AGBL1: variants seen among roughly 807,000 people sequenced by gnomAD.
The protein encoded by AGBL1 is cytosolic carboxypeptidase 4.
In AGBL1, 130 loss-of-function variants were observed where a neutral mutation model predicts 118.9. The observed-to-expected ratio is 1.09, with a 90% CI of 0.95 to 1.26. The LOEUF (loss-of-function observed/expected upper bound fraction) is 1.26. Ranked by LOEUF, AGBL1 falls within the 50% of genes most tolerant of loss-of-function variation. The pLI is 0.00. For missense variants in AGBL1, 1,584 were observed against 1,298.1 expected (o/e 1.22, Z -3.38); for synonymous variants, 555 against 478.9 (o/e 1.16, Z -2.08).
chr15:86,344,761 G>C (rs1228559186), intron 17 of AGBL1, among the ~76,000 whole-genome samples: 2 of 152,042 alleles, frequency 1.3e-5, no homozygotes, highest in Non-Finnish European at 2.9e-5. Flanking sequence ...ATGATAAGCA[G>C]TTTCACAATG....
At chr15:86,957,177 A>G (rs771048510) in intron 23 of AGBL1, among the ~76,000 whole-genome samples, 27 of 152,128 alleles carry the variant, frequency 1.8e-4, no homozygotes, top group Non-Finnish European at 3.4e-4. Flanking sequence ...ACTGAAAAAT[A>G]ATCTATTTTT....
intron 21 of AGBL1, among the ~76,000 whole-genome samples, chr15:86,660,182 A>G (rs1487604996): frequency 6.6e-6 from 1 of 151,942 alleles, no homozygotes; most frequent in Admixed American, 6.6e-5. Flanking sequence ...AAGGAGCAGA[A>G]AGGAGGGACT....
chr15:86,837,552 A>G (rs1378110173), intron 22 of AGBL1, among the ~76,000 whole-genome samples: 1 of 152,324 alleles, frequency 6.6e-6, no homozygotes. Context: ...TAACCCCCAA[A>G]GCTGAAAATA....
chr15:86,923,173 G>A (rs765892462), intron 23 of AGBL1, among the ~76,000 whole-genome samples: 1 of 152,150 alleles, frequency 6.6e-6, no homozygotes, highest in African/African-American at 2.4e-5. Context: ...AGATAACTTT[G>A]AACACATGAT....
At chr15:86,423,674 C>T (rs1025985518) in intron 18 of AGBL1, among the ~76,000 whole-genome samples, 1 of 152,186 alleles carries the variant, frequency 6.6e-6, no homozygotes, top group South Asian at 2.1e-4. Context: ...AGCTGATAAG[C>T]AACTTCAGCA....
At chr15:86,381,958 G>A (rs1192139742) in intron 17 of AGBL1, among the ~76,000 whole-genome samples, 2 of 152,194 alleles carry the variant, frequency 1.3e-5, no homozygotes, top group African/African-American at 2.4e-5. Context: ...GGAAGAAATA[G>A]GAATGGAGAG....
rs191874357 is a variant in AGBL1, at chr15:86,184,162, T to C, written c.488+25136T>C. Among the ~76,000 whole-genome samples the C allele has an allele frequency of 5.3e-5, 8 of 152,362 alleles. No individual in the cohort carries two copies. In the East Asian group the frequency reaches 1.4e-3, roughly 26 times the overall value. ...TTTAATTTGCTGATTTTTCTCTCCA[T>C]TGTTGGGAGAACCCAAATATTGACT... On this transcript the variant is annotated intron_variant, in intron 5 of 22. Coordinates refer to ENST00000614907, the MANE Select transcript of AGBL1 (RefSeq NM_001386094.1).
chr15:86,414,726 C>A (rs1020937394), intron 18 of AGBL1, among the ~76,000 whole-genome samples: 2 of 152,084 alleles, frequency 1.3e-5, no homozygotes, highest in Admixed American at 1.3e-4. Flanking sequence ...TGAAGTACAC[C>A]TAAACTATCT....
intron 22 of AGBL1, among the ~76,000 whole-genome samples, chr15:86,723,249 C>A (rs1025300766): frequency 4.6e-5 from 7 of 152,282 alleles, no homozygotes; most frequent in Non-Finnish European, 8.8e-5. Context: ...GACTTGGAAC[C>A]AACCCAAATG....
chr15:86,084,078 C>A (rs1363077678), intron 1 of AGBL1, among the ~76,000 whole-genome samples: 1 of 152,154 alleles, frequency 6.6e-6, no homozygotes, highest in Non-Finnish European at 1.5e-5. Context: ...TAATTTCAAG[C>A]ATTAGTAGAA....
intron 1 of AGBL1, among the ~76,000 whole-genome samples, chr15:86,098,139 C>T (rs923748470): frequency 1.3e-5 from 2 of 152,030 alleles, no homozygotes; most frequent in African/African-American, 2.4e-5. Flanking sequence ...TTTATTCAAA[C>T]CCTTTGCCCA....
chr15:86,133,545 A>G (rs1297792113), intron 1 of AGBL1, among the ~76,000 whole-genome samples: 1 of 152,240 alleles, frequency 6.6e-6, no homozygotes, highest in Non-Finnish European at 1.5e-5. Context: ...CATGCTGTCT[A>G]TGTATTCGTA....
chr15:86,501,121 T>C (rs1567027175), intron 18 of AGBL1, among the ~76,000 whole-genome samples: 1 of 151,358 alleles, frequency 6.6e-6, no homozygotes, highest in East Asian at 1.9e-4. Flanking sequence ...CACTTTATAT[T>C]TCACCAGCAA....
chr15:86,893,630 T>A (rs2080082946), intron 22 of AGBL1, among the ~76,000 whole-genome samples: 1 of 152,204 alleles, frequency 6.6e-6, no homozygotes, highest in South Asian at 2.1e-4. Flanking sequence ...TAGAGTCTTC[T>A]TAATGGCTTT....
rs544527312 is a variant in AGBL1, at chr15:86,564,637, T to G, written c.2994+10100T>G. 5.3e-5 allele frequency among the ~76,000 whole-genome samples: 8 copies of G among 152,300 alleles called. No individual in the cohort carries two copies. The South Asian group carries it at 1.5e-3, about 28-fold the overall frequency. ...GAGTTGCTCTTCTCAAGGAATATCT[T>G]TGTGGCGTTCTCTGTATTTCATGAA... On this transcript the variant is annotated intron_variant, in intron 21 of 22. Coordinates refer to ENST00000614907, the MANE Select transcript of AGBL1 (RefSeq NM_001386094.1).
At chr15:86,852,321 C>T (rs2079419055) in intron 22 of AGBL1, among the ~76,000 whole-genome samples, 2 of 152,268 alleles carry the variant, frequency 1.3e-5, no homozygotes, top group East Asian at 3.9e-4. Context: ...GGAAACTGCT[C>T]CCACGATCCA....
At chr15:86,356,314 A>G (rs2080717777) in intron 17 of AGBL1, among the ~76,000 whole-genome samples, 1 of 151,334 alleles carries the variant, frequency 6.6e-6, no homozygotes, top group Non-Finnish European at 1.5e-5. Context: ...AGCTATTTGG[A>G]TTTATATCTA....
intron 1 of AGBL1, among the ~76,000 whole-genome samples, chr15:86,130,538 C>A (rs2076806177): frequency 6.6e-6 from 1 of 152,104 alleles, no homozygotes; most frequent in Non-Finnish European, 1.5e-5. Context: ...ACTGGATTTA[C>A]CACCTCCAAG....
chr15:86,273,127 T>A (rs2079188179), intron 15 of AGBL1, among the ~76,000 whole-genome samples: 2 of 144,328 alleles, frequency 1.4e-5, no homozygotes. Flanking sequence ...AAACATAACA[T>A]TTCCTAATGG....
Sources: gnomAD v4.1 joint callset for allele counts (sites outside exome capture counted in the v4.1 genomes callset) on GRCh38, gnomAD v4.1.1 for gene constraint, MANE v1.5 for transcripts, NCBI Gene and HGNC (gene_info 2026-07-23, HGNC 2026-07-21) for gene names.